The following DGKK variants were observed in gnomAD, a reference collection of about 807,000 sequenced individuals.
The protein encoded by DGKK is diacylglycerol kinase kappa, also known as 142 kDa diacylglycerol kinase.
A neutral mutation model predicts 92.2 loss-of-function variants in DGKK; 35 were observed. The observed-to-expected ratio is 0.38, with a 90% CI of 0.29 to 0.50. The LOEUF is 0.50. Among genes scored for constraint, DGKK ranks in the 20% least tolerant of loss-of-function variants. DGKK has a pLI of 0.92. For synonymous variants in DGKK, 368 were observed against 360.6 expected (o/e 1.02, Z -0.23); for missense variants, 910 against 992.2 (o/e 0.92, Z 1.11).
chrX:50,463,445 G>T (rs1238611549), intron 1 of DGKK, among the ~76,000 whole-genome samples: 1 of 92,756 alleles, frequency 1.1e-5, no homozygotes, highest in Non-Finnish European at 2.1e-5. Context: ...CCCTATCTCA[G>T]TCTCTCCCTA....
In DGKK at chrX:50,384,827, A is replaced by G; in HGVS notation, c.2348-3T>C. ...CTGTCTGCTTTCCTCATCCAGAGCT[A>G]TAGAGAAAAGTGGGAGGAAGGAAAG... is the stretch of plus-strand genomic sequence containing the variant. On this transcript the variant is annotated splice_region_variant and splice_polypyrimidine_tract_variant and intron_variant, in intron 15 of 27. Coordinates refer to ENST00000611977, the MANE Select transcript of DGKK (RefSeq NM_001013742.4). 2 of 1,191,250 alleles carry G rather than the reference A, an allele frequency of 1.7e-6. No individual in the cohort carries two copies. Among genetic ancestry groups the G allele is most frequent in the Non-Finnish European group, 2.3e-6 (2 of 881,905 alleles).
At chrX:50,469,063 A>G (rs1557234253) in intron 1 of DGKK, among the ~76,000 whole-genome samples, 1 of 111,026 alleles carries the variant, frequency 9.0e-6, no homozygotes, top group East Asian at 2.8e-4. Context: ...TCAGGGTCCA[A>G]GGTAAACACG....
intron 22 of DGKK, among the ~76,000 whole-genome samples, chrX:50,377,817 C>T (rs1421346333): frequency 9.0e-6 from 1 of 111,687 alleles, no homozygotes; most frequent in Non-Finnish European, 1.9e-5. Context: ...AGCTCCTTGT[C>T]TCACTCTCTT....
intron 8 of DGKK, among the ~76,000 whole-genome samples, chrX:50,397,700 T>TA (rs782566247): frequency 7.7e-4 from 86 of 112,331 alleles, no homozygotes; most frequent in Non-Finnish European, 1.4e-3. Context: ...GATGCTATCT[T>TA]AGTCGTTGCT....
At position 50,376,030 on chromosome X, in the gene DGKK, G is replaced by A. The variant is rs1557223786; in HGVS notation, c.3408C>T (p.Pro1136=). The A allele has an allele frequency of 1.7e-6, 2 of 1,209,381 alleles. No homozygotes were observed. The highest frequency in any genetic ancestry group is 2.2e-5 in the Admixed American group (1 of 45,844). The stretch of plus-strand genomic sequence containing the variant: ...TTCACTCCTTTCTACTTACTTCAAT[G>A]GGAATACAGGAAGCTGCACCCATCT... ...GNEMGAASCI[P]IETLSRNDAV... Residue 1136 remains proline, a synonymous_variant, in exon 24 of 28, where the codon CCC becomes CCT. Coordinates refer to ENST00000611977, the MANE Select transcript of DGKK (RefSeq NM_001013742.4).
Position 50,386,407 on chromosome X carries a change from G to T in DGKK, c.2298C>A (p.Ala766=), listed in dbSNP as rs1557224961. 2.5e-6 allele frequency: 3 copies of T among 1,210,692 alleles called. No homozygotes were observed. The highest frequency in any genetic ancestry group is 3.4e-6 in the Non-Finnish European group (3 of 894,955). ...GTTTCAAGGATTTCTGGAGACTCTGGGCCTTTGTAGCCAGCTCCAACTTGC... is the reference window on the plus strand; with the variant it reads ...GTTTCAAGGATTTCTGGAGACTCTGTGCCTTTGTAGCCAGCTCCAACTTGC... ...AKCKLELATK[A]QSLQKSLKLI... is the part of the protein sequence containing the mutation. The change falls in exon 15 of 28, where the codon GCC becomes GCA. Residue 766 remains alanine, a synonymous_variant. Coordinates refer to ENST00000611977, the MANE Select transcript of DGKK (RefSeq NM_001013742.4).
At position 50,401,055 on chromosome X, in the gene DGKK, T is replaced by C. The variant is rs781847916; in HGVS notation, c.1393A>G (p.Ser465Gly). 8.3e-7 allele frequency: 1 copy of C among 1,197,821 alleles called. No individual in the cohort carries two copies. The highest frequency in any genetic ancestry group is 1.8e-5 in the South Asian group (1 of 54,514). Reference sequence around the variant, plus strand: ...TACTCACCATCGCCTTTGGGGTCGCTTAGAGCAGTGGGAGGAATGACTGAT... The same window carrying C: ...TACTCACCATCGCCTTTGGGGTCGCCTAGAGCAGTGGGAGGAATGACTGAT... ...RSSVIPPTAL[S>G]DPKGDGQLVV... Residue 465 changes from serine to glycine, a missense_variant, in exon 8 of 28, where the codon AGC (serine) becomes GGC (glycine). Coordinates refer to ENST00000611977, the MANE Select transcript of DGKK (RefSeq NM_001013742.4).
chrX:50,450,344 A>G (rs1160548836), intron 1 of DGKK, among the ~76,000 whole-genome samples: 1 of 111,953 alleles, frequency 8.9e-6, no homozygotes, highest in East Asian at 2.8e-4. Flanking sequence ...CCATTTATAA[A>G]ACACAGAGCA....
At chrX:50,406,865 T>C (rs1161707163) in intron 4 of DGKK, among the ~76,000 whole-genome samples, 1 of 111,568 alleles carries the variant, frequency 9.0e-6, no homozygotes, top group Non-Finnish European at 1.9e-5. Context: ...CAGATTTTGG[T>C]ACTGGGAAAT....
At chrX:50,466,634 C>T (rs966359343) in intron 1 of DGKK, among the ~76,000 whole-genome samples, 5 of 111,421 alleles carry the variant, frequency 4.5e-5, no homozygotes, top group African/African-American at 1.3e-4. Context: ...CAGCAGCAGC[C>T]TCTACATTGC....
intron 4 of DGKK, among the ~76,000 whole-genome samples, chrX:50,419,832 A>G (rs1157392820): frequency 4.5e-5 from 5 of 111,899 alleles, no homozygotes; most frequent in Non-Finnish European, 5.6e-5. Flanking sequence ...CAGGTAAAAA[A>G]GAACCCTGCT....
In DGKK at chrX:50,378,172, C is replaced by G. The variant is rs1557224045; in HGVS notation, c.3037G>C (p.Glu1013Gln). 2.5e-6 allele frequency: 3 copies of G among 1,207,694 alleles called. No homozygotes were observed. Among genetic ancestry groups the G allele is most frequent in the Non-Finnish European group, 3.4e-6 (3 of 893,764 alleles). Residue 1013 changes from glutamate to glutamine, a missense_variant, in exon 22 of 28, where the codon GAG (glutamate) becomes CAG (glutamine). Physicochemically the swap from Glu to Gln is conservative, Grantham distance 29. Transcript: ENST00000611977. ...AGGCCTGGTCTCTGAATCCAGGCCT[C>G]CCCATCCACCTGCACTGGGATACCT... is the stretch of plus-strand genomic sequence containing the variant. ...EEGIPVQVDGEAWIQRPGLIK... is the reference protein window; with the variant it reads ...EEGIPVQVDGQAWIQRPGLIK...
intron 5 of DGKK, 114 bp downstream of exon 5, chrX:50,403,935 C>G: frequency 1.1e-6 from 1 of 946,183 alleles, no homozygotes; most frequent in Admixed American, 3.2e-5. Flanking sequence ...TCAGGGTTAA[C>G]CTCACACCAG....
chrX:50,378,023 G>A, intron 22 of DGKK, 75 bp downstream of exon 22: 1 of 1,094,705 alleles, frequency 9.1e-7, no homozygotes, highest in Non-Finnish European at 1.2e-6. Context: ...AATTCTGCTT[G>A]AGTGGAAATA....
intron 9 of DGKK, 76 bp from the exon 10 acceptor site, chrX:50,392,525 C>T: frequency 1.2e-6 from 1 of 819,691 alleles, no homozygotes; most frequent in Non-Finnish European, 1.8e-6. Context: ...TGTGTCAGGA[C>T]ACAAGGATTG....
rs1245517817 is a variant in DGKK, at chrX:50,387,539, G to A, written c.2118+15C>T. On this transcript the variant is annotated intron_variant, in intron 14 of 27. Coordinates refer to ENST00000611977, the MANE Select transcript of DGKK (RefSeq NM_001013742.4). ...GCTCCACAAAGAGTATAAGACAAAAGGAATGGGAACTTACTTTCAAAATCA... is the reference window on the plus strand; with the variant it reads ...GCTCCACAAAGAGTATAAGACAAAAAGAATGGGAACTTACTTTCAAAATCA... 3.4e-6 allele frequency: 4 copies of A among 1,166,750 alleles called. No homozygotes were observed. The highest frequency in any genetic ancestry group is 4.7e-6 in the Non-Finnish European group (4 of 857,920).
chrX:50,442,135 A>G (rs1259552414), intron 1 of DGKK, among the ~76,000 whole-genome samples: 4 of 111,675 alleles, frequency 3.6e-5, no homozygotes, highest in Non-Finnish European at 7.5e-5. Context: ...ACTAAGAGCT[A>G]AAAAATATGT....
intron 1 of DGKK, among the ~76,000 whole-genome samples, chrX:50,433,534 A>C (rs1925944218): frequency 1.8e-5 from 2 of 111,566 alleles, no homozygotes; most frequent in Non-Finnish European, 3.8e-5. Flanking sequence ...GCATGTGAGG[A>C]AACCAGCAGG....
intron 1 of DGKK, among the ~76,000 whole-genome samples, chrX:50,440,860 A>C (rs1926154156): frequency 8.9e-6 from 1 of 112,158 alleles, no homozygotes; most frequent in Non-Finnish European, 1.9e-5. Flanking sequence ...AATCTTTTGG[A>C]AAACCAAAAG....
Sources: gnomAD v4.1 joint callset for allele counts (sites outside exome capture counted in the v4.1 genomes callset) on GRCh38, gnomAD v4.1.1 for gene constraint, MANE v1.5 for transcripts, NCBI Gene and HGNC (gene_info 2026-07-23, HGNC 2026-07-21) for gene names.